Variants in DMD observed in about 807,000 individuals in gnomAD.
DMD encodes the protein dystrophin, also known as mutant dystrophin.
DMD carries 63 observed loss-of-function variants against 330.1 expected under a neutral mutation model. The observed-to-expected ratio is 0.19, with a 90% CI of 0.16 to 0.24. The LOEUF is 0.24. Ranked by LOEUF, DMD falls within the 10% of genes least tolerant of loss-of-function variation. The pLI is 1.00. For synonymous variants in DMD, 1,223 were observed against 959.8 expected (o/e 1.27, Z -5.07); for missense variants, 3,344 against 2,684.1 (o/e 1.25, Z -5.43).
intron 28 of DMD, among the ~76,000 whole-genome samples, chrX:32,439,522 CATT>C (rs1286104117): frequency 2.7e-5 from 3 of 111,011 alleles, no homozygotes; most frequent in African/African-American, 9.8e-5. Context: ...TTAATGGATA[CATT>C]ATTTTATAAG....
At chrX:32,252,126 C>T (rs985579821) in intron 43 of DMD, among the ~76,000 whole-genome samples, 3 of 111,661 alleles carry the variant, frequency 2.7e-5, no homozygotes, top group Non-Finnish European at 5.6e-5. Context: ...GTAAAACTTG[C>T]CACGCTCTCC....
intron 43 of DMD, among the ~76,000 whole-genome samples, chrX:32,250,929 A>T (rs1443244027): frequency 9.0e-6 from 1 of 110,633 alleles, no homozygotes; most frequent in Non-Finnish European, 1.9e-5. Flanking sequence ...TTCTTAGCAA[A>T]CTAACACAGG....
chrX:32,079,508 A>T (rs1312730057), intron 44 of DMD, among the ~76,000 whole-genome samples: 1 of 110,993 alleles, frequency 9.0e-6, no homozygotes, highest in Non-Finnish European at 1.9e-5. Flanking sequence ...GGCACACGAA[A>T]AGCTTGAACA....
At chrX:31,494,667 T>C (rs1321043029) in intron 57 of DMD, among the ~76,000 whole-genome samples, 2 of 111,926 alleles carry the variant, frequency 1.8e-5, no homozygotes, top group African/African-American at 3.2e-5. Flanking sequence ...ATTTTACCAC[T>C]CTTAACAAGC....
Position 32,463,840 on chromosome X carries a change from G to T in DMD, c.3277-246C>A, listed in dbSNP as rs561966631. ...TATTCTACTTATATCAGAAACAAAA[G>T]GAAATAAATTTAATATTTCTGGTTA... On this transcript the variant is annotated intron_variant, in intron 24 of 78. Coordinates refer to ENST00000357033, the MANE Select transcript of DMD (RefSeq NM_004006.3). Among the ~76,000 whole-genome samples the T allele has an allele frequency of 1.6e-4, 18 of 111,892 alleles. No homozygotes were observed. In the South Asian group the frequency reaches 5.5e-3, roughly 34 times the overall value.
At chrX:31,897,570 C>G (rs1319397743) in intron 47 of DMD, among the ~76,000 whole-genome samples, 1 of 91,104 alleles carries the variant, frequency 1.1e-5, no homozygotes, top group Non-Finnish European at 2.2e-5. Flanking sequence ...TTCTCCACAT[C>G]CTCTCCAGCA....
intron 56 of DMD, among the ~76,000 whole-genome samples, chrX:31,501,454 T>A (rs1352075148): frequency 2.7e-5 from 3 of 112,340 alleles, no homozygotes; most frequent in African/African-American, 9.7e-5. Context: ...TATTAATCTT[T>A]ATTAGTGAAG....
chrX:32,012,086 A>G (rs1208722166), intron 44 of DMD, among the ~76,000 whole-genome samples: 1 of 112,188 alleles, frequency 8.9e-6, no homozygotes, highest in African/African-American at 3.2e-5. Context: ...TGGGACAACA[A>G]TGTGATGGCC....
intron 18 of DMD, among the ~76,000 whole-genome samples, chrX:32,509,269 G>A (rs1689214552): frequency 9.2e-6 from 1 of 108,527 alleles, no homozygotes. Context: ...CCACCCATAC[G>A]TTCGTCCTCA....
intron 1 of DMD, among the ~76,000 whole-genome samples, chrX:33,077,203 G>C (rs768015571): frequency 9.0e-6 from 1 of 111,438 alleles, no homozygotes; most frequent in East Asian, 2.8e-4. Flanking sequence ...CACTGTGGCT[G>C]ATGTTAGTCC....
At chrX:32,653,441 C>T (rs993877918) in intron 9 of DMD, among the ~76,000 whole-genome samples, 3 of 111,726 alleles carry the variant, frequency 2.7e-5, no homozygotes, top group African/African-American at 9.8e-5. Flanking sequence ...TTGTTTTTCT[C>T]AGGTTTGTCA....
intron 49 of DMD, among the ~76,000 whole-genome samples, chrX:31,834,997 T>C (rs1340136022): frequency 8.9e-6 from 1 of 112,498 alleles, no homozygotes; most frequent in East Asian, 2.8e-4. Context: ...TTTACATCAC[T>C]AATGCATCAG....
rs1019398312 is a variant in DMD at position 32,518,266 on chromosome X, G to C, written c.2169-135C>G. On this transcript the variant is annotated intron_variant, in intron 17 of 78. Transcript: ENST00000357033. ...CCTGACACCTCTATTAGTATTAATA[G>C]CAGCACTATTTTCCCTGTTAGGTAG... 2.1e-5 allele frequency: 13 copies of C among 632,687 alleles called. No homozygotes were observed. In the African/African-American group the frequency reaches 2.7e-4, roughly 13 times the overall value. 52.1% of individuals were successfully genotyped at this position (632,687 alleles called of 1,213,427 possible).
intron 9 of DMD, among the ~76,000 whole-genome samples, chrX:32,669,378 A>T (rs1224072048): frequency 9.0e-6 from 1 of 111,709 alleles, no homozygotes; most frequent in African/African-American, 3.3e-5. Context: ...CTTTTTAAAT[A>T]TCTGTTATGT....
chrX:33,289,268 A>C (rs2053479199), intron 1 of DMD, among the ~76,000 whole-genome samples: 2 of 110,821 alleles, frequency 1.8e-5, no homozygotes, highest in Admixed American at 1.9e-4. Context: ...AATAAGGTGT[A>C]AACGCTCATT....
Position 31,278,486 on chromosome X carries a change from G to T in DMD, c.9225-17470C>A, listed in dbSNP as rs189550675. 8.1e-5 allele frequency among the ~76,000 whole-genome samples: 9 copies of T among 111,486 alleles called. No individual in the cohort carries two copies. In the East Asian group the frequency reaches 2.5e-3, roughly 31 times the overall value. ...GAATCTGCTCCAAGTTTTAGGGGGT[G>T]TCTTCTCTGCCAGCTGTTCGTTTGG... On this transcript the variant is annotated intron_variant, in intron 62 of 78. Coordinates refer to ENST00000357033, the MANE Select transcript of DMD (RefSeq NM_004006.3).
At chrX:31,251,530 C>T (rs1354792605) in intron 63 of DMD, among the ~76,000 whole-genome samples, 1 of 111,787 alleles carries the variant, frequency 8.9e-6, no homozygotes, top group Non-Finnish European at 1.9e-5. Context: ...AGAATATCAC[C>T]AATTCATAAA....
chrX:31,914,357 A>G (rs1603587123), intron 47 of DMD, among the ~76,000 whole-genome samples: 1 of 112,170 alleles, frequency 8.9e-6, no homozygotes, highest in South Asian at 3.7e-4. Flanking sequence ...GAGCTTCCCT[A>G]TGATCCAGCA....
chrX:31,492,398 C>G (rs2147015404), intron 57 of DMD, among the ~76,000 whole-genome samples: 1 of 112,077 alleles, frequency 8.9e-6, no homozygotes, highest in East Asian at 2.8e-4. Context: ...AAAGGGCTAC[C>G]ACATACATGT....
Sources: gnomAD v4.1 joint callset for allele counts (sites outside exome capture counted in the v4.1 genomes callset) on GRCh38, gnomAD v4.1.1 for gene constraint, MANE v1.5 for transcripts, NCBI Gene and HGNC (gene_info 2026-07-23, HGNC 2026-07-21) for gene names.